UNC5D: variants seen among roughly 807,000 people sequenced by gnomAD.
UNC5D encodes netrin receptor UNC5D.
In UNC5D, 39 loss-of-function variants were observed where a neutral mutation model predicts 105.4. That is an observed-to-expected ratio of 0.37 (90% CI 0.29 to 0.48). The LOEUF is 0.48. Among genes scored for constraint, UNC5D ranks in the 20% least tolerant of loss-of-function variants. UNC5D has a pLI of 0.98. For missense variants in UNC5D, 991 were observed against 1,202.4 expected (o/e 0.82, Z 2.60); for synonymous variants, 452 against 450.4 (o/e 1.00, Z -0.04).
chr8:35,465,402 G>T (rs1190431251), intron 1 of UNC5D, among the ~76,000 whole-genome samples: 1 of 150,996 alleles, frequency 6.6e-6, no homozygotes, highest in African/African-American at 2.5e-5. Flanking sequence ...AAAGAATATT[G>T]TATGCTCAAA....
chr8:35,314,248 TG>T (rs1809112029), intron 1 of UNC5D, among the ~76,000 whole-genome samples: 1 of 152,184 alleles, frequency 6.6e-6, no homozygotes, highest in Non-Finnish European at 1.5e-5. Flanking sequence ...TCTGAGTATA[TG>T]GGTTCTTTCC....
In UNC5D at chr8:35,795,295, G is replaced by A. The variant is rs954069029; in HGVS notation, c.*4732G>A. The A allele has an allele frequency of 2.0e-5, 3 of 152,130 alleles. No individual in the cohort carries two copies. The highest frequency in any genetic ancestry group is 6.5e-5 in the Admixed American group (1 of 15,270). The allele number at this position is 152,130 out of a possible 1,614,324, so 9.4% of individuals were successfully genotyped here. A position where few individuals can be genotyped will look rare whatever the true frequency, so the allele number is the denominator to read the frequency against. Reference sequence around the variant, plus strand: ...TGTGTGTCAAAATACTTTCACAAAAGGCATGATTACAATGGAAATGCCCCT... The same window carrying A: ...TGTGTGTCAAAATACTTTCACAAAAAGCATGATTACAATGGAAATGCCCCT... On this transcript the variant is annotated 3_prime_UTR_variant, in exon 17 of 17. Transcript: ENST00000404895.
intron 1 of UNC5D, among the ~76,000 whole-genome samples, chr8:35,323,593 C>T (rs886704460): frequency 1.3e-5 from 2 of 152,118 alleles, no homozygotes; most frequent in African/African-American, 4.8e-5. Flanking sequence ...ACTCCTAATT[C>T]CAAAAACATA....
At chr8:35,698,606 G>T (rs184087713) in intron 7 of UNC5D, among the ~76,000 whole-genome samples, 4 of 152,116 alleles carry the variant, frequency 2.6e-5, no homozygotes, top group Non-Finnish European at 4.4e-5. Context: ...CTCTTTTAAG[G>T]TGAATAATAT....
intron 1 of UNC5D, among the ~76,000 whole-genome samples, chr8:35,428,782 T>A (rs1009866672): frequency 1.3e-5 from 2 of 152,046 alleles, no homozygotes; most frequent in African/African-American, 2.4e-5. Context: ...TCTGTGGTAG[T>A]GACAGCTCAG....
chr8:35,522,872 T>G (rs987873262), intron 1 of UNC5D, among the ~76,000 whole-genome samples: 5 of 152,214 alleles, frequency 3.3e-5, no homozygotes, highest in African/African-American at 1.2e-4. Flanking sequence ...TCTTAAGCAC[T>G]GTTTTCCTCA....
At chr8:35,420,028 G>A (rs1304196608) in intron 1 of UNC5D, among the ~76,000 whole-genome samples, 2 of 151,880 alleles carry the variant, frequency 1.3e-5, no homozygotes, top group Non-Finnish European at 2.9e-5. Flanking sequence ...GTCCATGGGT[G>A]GGCCTGGAAA....
chr8:35,760,611 G>A (rs1273143004), intron 14 of UNC5D, among the ~76,000 whole-genome samples: 1 of 152,122 alleles, frequency 6.6e-6, no homozygotes, highest in African/African-American at 2.4e-5. Context: ...CCAGTCATCT[G>A]TACTTCAAGT....
In UNC5D at chr8:35,513,574, C is replaced by T. The variant is rs1229905869; in HGVS notation, c.104-35718C>T. ...ATTCTAAGTTGCAATTCTCTCTCAT[C>T]CAACATTCCTAGTTCTTCTCCCCTG... On this transcript the variant is annotated intron_variant, in intron 1 of 16. Coordinates refer to ENST00000404895, the MANE Select transcript of UNC5D (RefSeq NM_080872.4). Among the ~76,000 whole-genome samples, 4 of 152,224 alleles carry T rather than the reference C, an allele frequency of 2.6e-5. No individual in the cohort carries two copies. In the East Asian group the frequency reaches 7.7e-4, roughly 29 times the overall value.
At chr8:35,747,966 A>G (rs1448024977) in intron 11 of UNC5D, among the ~76,000 whole-genome samples, 3 of 152,384 alleles carry the variant, frequency 2.0e-5, no homozygotes, top group East Asian at 1.9e-4. Flanking sequence ...CTATTGCTAT[A>G]TAAGCTATGT....
chr8:35,626,632 G>A (rs1050128583), intron 4 of UNC5D, among the ~76,000 whole-genome samples: 4 of 152,140 alleles, frequency 2.6e-5, no homozygotes, highest in African/African-American at 9.7e-5. Context: ...AGCTAGCAAG[G>A]TACAATTTCC....
At chr8:35,309,876 T>G in intron 1 of UNC5D, among the ~76,000 whole-genome samples, 1 of 152,206 alleles carries the variant, frequency 6.6e-6, no homozygotes, top group East Asian at 1.9e-4. Context: ...CTGTTACAGA[T>G]AATCAAAACA....
At position 35,378,196 on chromosome 8, in the gene UNC5D, T is replaced by G. The variant is rs186779711; in HGVS notation, c.103+142309T>G. 5.0e-3 allele frequency among the ~76,000 whole-genome samples: 769 copies of G among 152,306 alleles called. 3 individuals are homozygous for G. Among genetic ancestry groups the G allele is most frequent in the Non-Finnish European group, 7.9e-3 (536 of 68,016 alleles). On this transcript the variant is annotated intron_variant, in intron 1 of 16. Transcript: ENST00000404895. ...TTATGGAAGCCCTTGTTAACAAATA[T>G]GATGTACACATGATTTTTCAATACC...
intron 1 of UNC5D, among the ~76,000 whole-genome samples, chr8:35,284,714 C>T (rs1243458060): frequency 6.6e-6 from 1 of 152,006 alleles, no homozygotes; most frequent in Non-Finnish European, 1.5e-5. Flanking sequence ...ACCACCACAC[C>T]CAGCTAATTT....
chr8:35,354,903 ATAT>A (rs1801463253), intron 1 of UNC5D, among the ~76,000 whole-genome samples: 1 of 152,120 alleles, frequency 6.6e-6, no homozygotes, highest in African/African-American at 2.4e-5. Flanking sequence ...TCCACATGAC[ATAT>A]TATCCTAAAT....
At chr8:35,525,763 T>G (rs1046581736) in intron 1 of UNC5D, 23 of 1,552,394 alleles carry the variant, frequency 1.5e-5, no homozygotes. Context: ...GGAGCCGCCA[T>G]CTTGGGAGTG....
chr8:35,436,399 T>A (rs913613050), intron 1 of UNC5D, among the ~76,000 whole-genome samples: 3 of 152,080 alleles, frequency 2.0e-5, no homozygotes, highest in Non-Finnish European at 4.4e-5. Context: ...CGGATAGGAT[T>A]CATTTATCTA....
At chr8:35,326,805 C>G (rs1263525598) in intron 1 of UNC5D, among the ~76,000 whole-genome samples, 1 of 151,742 alleles carries the variant, frequency 6.6e-6, no homozygotes, top group Non-Finnish European at 1.5e-5. Flanking sequence ...GGCATCAGCA[C>G]CATGAGAAAA....
chr8:35,304,586 G>A (rs1352808881), intron 1 of UNC5D, among the ~76,000 whole-genome samples: 1 of 152,090 alleles, frequency 6.6e-6, no homozygotes, highest in African/African-American at 2.4e-5. Flanking sequence ...GTGTATGCGT[G>A]CATGTGTGTG....
Sources: gnomAD v4.1 joint callset for allele counts (sites outside exome capture counted in the v4.1 genomes callset) on GRCh38, gnomAD v4.1.1 for gene constraint, MANE v1.5 for transcripts, NCBI Gene and HGNC (gene_info 2026-07-23, HGNC 2026-07-21) for gene names.